Variants in OTUD4 observed in about 807,000 individuals in gnomAD.
OTUD4 encodes the protein OTU deubiquitinase 4.
OTUD4 carries 24 observed loss-of-function variants against 130.4 expected under a neutral mutation model. That is an observed-to-expected ratio of 0.18 (90% confidence interval 0.13 to 0.26). OTUD4 has a LOEUF of 0.26. Among genes scored for constraint, OTUD4 ranks in the 10% least tolerant of loss-of-function variants. The pLI, the probability that OTUD4 is intolerant of heterozygous loss-of-function variation, is 1.00. For synonymous variants in OTUD4, 420 were observed against 472.5 expected (o/e 0.89, Z 1.44); for missense variants, 1,031 against 1,329.4 (o/e 0.78, Z 3.49).
chr4:145,146,692 T>C (rs1023042904), intron 13 of OTUD4, among the ~76,000 whole-genome samples: 1 of 151,866 alleles, frequency 6.6e-6, no homozygotes, highest in Non-Finnish European at 1.5e-5. Flanking sequence ...CAAACAGCAA[T>C]GGGAGGTAGA....
chr4:145,169,257 T>C (rs1254792937), intron 3 of OTUD4, among the ~76,000 whole-genome samples: 4 of 152,252 alleles, frequency 2.6e-5, no homozygotes, highest in Non-Finnish European at 4.4e-5. Flanking sequence ...TCAAATTGTA[T>C]ATTTATAAGT....
rs1750154578 is a variant in OTUD4 at position 145,134,739 on chromosome 4, G to A, written c.*2691C>T. On this transcript the variant is annotated 3_prime_UTR_variant, in exon 21 of 21. Coordinates refer to ENST00000447906, the MANE Select transcript of OTUD4 (RefSeq NM_001366057.1). The stretch of plus-strand genomic sequence containing the variant: ...CTGCTGCCAAGGAGACATGGGGCAA[G>A]AGTTGAAGATTTGAGAGGAAATGAA... 1 of 398,824 alleles carries A rather than the reference G, an allele frequency of 2.5e-6. No homozygotes were observed. Among genetic ancestry groups the A allele is most frequent in the African/African-American group, 2.1e-5 (1 of 48,590 alleles). 24.7% of individuals were successfully genotyped at this position (398,824 alleles called of 1,614,324 possible). A position where few individuals can be genotyped will look rare whatever the true frequency, so the allele number is the denominator to read the frequency against.
intron 17 of OTUD4, among the ~76,000 whole-genome samples, chr4:145,143,081 A>T (rs1447558521): frequency 6.6e-6 from 1 of 152,258 alleles, no homozygotes; most frequent in Non-Finnish European, 1.5e-5. Context: ...AATACAAAGT[A>T]TCAAATATAA....
intron 1 of OTUD4, among the ~76,000 whole-genome samples, chr4:145,176,539 A>G (rs936873882): frequency 5.9e-5 from 9 of 151,800 alleles, no homozygotes; most frequent in Non-Finnish European, 1.2e-4. Context: ...AATACAAAAA[A>G]AAAAAAAAAA....
chr4:145,179,626 T>A, intron 1 of OTUD4, 189 bp downstream of exon 1: 1 of 1,387,588 alleles, frequency 7.2e-7, no homozygotes. Context: ...GCTTTCGAGT[T>A]TCAATTTGCA....
intron 1 of OTUD4, among the ~76,000 whole-genome samples, chr4:145,177,658 C>G (rs1441759046): frequency 6.6e-6 from 1 of 152,178 alleles, no homozygotes; most frequent in Non-Finnish European, 1.5e-5. Context: ...ATTTTTAGCT[C>G]CATGGCTGTG....
rs1371352420 is a variant in OTUD4 at position 145,135,659 on chromosome 4, A to G, written c.*1771T>C. The G allele has an allele frequency of 6.6e-6, 1 of 152,616 alleles. No individual in the cohort carries two copies. The highest frequency in any genetic ancestry group is 2.4e-5 in the African/African-American group (1 of 41,466). 9.5% of individuals were successfully genotyped at this position (152,616 alleles called of 1,614,324 possible). A position where few individuals can be genotyped will look rare whatever the true frequency, so the allele number is the denominator to read the frequency against. On this transcript the variant is annotated 3_prime_UTR_variant, in exon 21 of 21. Coordinates refer to ENST00000447906, the MANE Select transcript of OTUD4 (RefSeq NM_001366057.1). Reference sequence around the variant, plus strand: ...ATTCCTTTCAATAGGTTCTCTCAAGAAAAGTTTTCCACACAACCATCCCAG... The same window carrying G: ...ATTCCTTTCAATAGGTTCTCTCAAGGAAAGTTTTCCACACAACCATCCCAG...
chr4:145,140,711 G>C (rs1328594825), intron 19 of OTUD4, among the ~76,000 whole-genome samples: 1 of 152,134 alleles, frequency 6.6e-6, no homozygotes, highest in Non-Finnish European at 1.5e-5. Flanking sequence ...ATGCATGTCT[G>C]AAATGCAGAC....
chr4:145,161,339 G>C (rs912050404), intron 6 of OTUD4, among the ~76,000 whole-genome samples: 17 of 152,166 alleles, frequency 1.1e-4, no homozygotes, highest in African/African-American at 3.4e-4. Context: ...AGCTAGGAGG[G>C]AGAAGACACA....
intron 1 of OTUD4, among the ~76,000 whole-genome samples, chr4:145,178,845 A>G (rs1332267632): frequency 6.6e-6 from 1 of 152,212 alleles, no homozygotes; most frequent in Non-Finnish European, 1.5e-5. Context: ...AAAAGAAAAC[A>G]GAAACATCAT....
rs184600228 is a variant in OTUD4 at position 145,171,789 on chromosome 4, G to A, written c.244-69C>T. The A allele has an allele frequency of 1.0e-5, 8 of 769,704 alleles. No homozygotes were observed. The East Asian group carries it at 1.7e-4, about 17-fold the overall frequency. 47.7% of individuals were successfully genotyped at this position (769,704 alleles called of 1,614,324 possible). On this transcript the variant is annotated intron_variant, in intron 2 of 20. Coordinates refer to ENST00000447906, the MANE Select transcript of OTUD4 (RefSeq NM_001366057.1). ...CCAAAACAGTTAACCGCTTCGCTGTGTAAACATTCACTGTGAATTACTGAG... is the reference window on the plus strand; with the variant it reads ...CCAAAACAGTTAACCGCTTCGCTGTATAAACATTCACTGTGAATTACTGAG...
At chr4:145,169,076 A>G (rs1752024274) in intron 3 of OTUD4, among the ~76,000 whole-genome samples, 1 of 152,264 alleles carries the variant, frequency 6.6e-6, no homozygotes, top group African/African-American at 2.4e-5. Context: ...ACTTATATGC[A>G]TCTAGAAACA....
In OTUD4 at chr4:145,136,839, G is replaced by A. The variant is rs1750298185; in HGVS notation, c.*591C>T. On this transcript the variant is annotated 3_prime_UTR_variant, in exon 21 of 21. Coordinates refer to ENST00000447906, the MANE Select transcript of OTUD4 (RefSeq NM_001366057.1). Reference sequence around the variant, plus strand: ...TAGGCTGCCTTATGTGAATATTAAAGAGAAGACATTATTCAAGTTTGACAG... The same window carrying A: ...TAGGCTGCCTTATGTGAATATTAAAAAGAAGACATTATTCAAGTTTGACAG... The A allele has an allele frequency of 6.6e-6, 1 of 152,614 alleles. No homozygotes were observed. Among genetic ancestry groups the A allele is most frequent in the Non-Finnish European group, 1.5e-5 (1 of 68,058 alleles). The allele number at this position is 152,614 out of a possible 1,614,324, so 9.5% of individuals were successfully genotyped here. A position where few individuals can be genotyped will look rare whatever the true frequency, so the allele number is the denominator to read the frequency against.
chr4:145,146,472 A>AAATT, intron 13 of OTUD4, 43 bp from the exon 14 acceptor site: 1 of 1,048,918 alleles, frequency 9.5e-7, no homozygotes, highest in Non-Finnish European at 1.3e-6. Context: ...ATAAATAAAT[A>AAATT]AATAAATAAA....
In OTUD4 at chr4:145,179,499, TATC is replaced by T. The variant is rs901514610; in HGVS notation, c.159+313_159+315del. 1.1e-4 allele frequency: 71 copies of T among 676,126 alleles called. No homozygotes were observed. In the African/African-American group the frequency reaches 1.1e-3, roughly 10 times the overall value. 41.9% of individuals were successfully genotyped at this position (676,126 alleles called of 1,614,324 possible). A position where few individuals can be genotyped will look rare whatever the true frequency, so the allele number is the denominator to read the frequency against. ...GTGAATGCGGAACAAAAGTAAAAAA[TATC>T]ATGTCGCCAGGTCCCCAGCAATAAA... On this transcript the variant is annotated intron_variant, in intron 1 of 20. Coordinates refer to ENST00000447906, the MANE Select transcript of OTUD4 (RefSeq NM_001366057.1).
chr4:145,150,399 T>G lies in OTUD4; in HGVS notation c.1259+114A>C. ...ATACAAAATGCTCTTAATACTAATA[T>G]AGGGACAATGATATGAGTAAAAAGT... On this transcript the variant is annotated intron_variant, in intron 13 of 20. Coordinates refer to ENST00000447906, the MANE Select transcript of OTUD4 (RefSeq NM_001366057.1). 7.6e-6 allele frequency: 5 copies of G among 659,438 alleles called. No individual in the cohort carries two copies. In the South Asian group the frequency reaches 8.8e-5, roughly 12 times the overall value. The allele number at this position is 659,438 out of a possible 1,614,324, so 40.8% of individuals were successfully genotyped here.
chr4:145,163,959 T>C (rs554097703), intron 5 of OTUD4, among the ~76,000 whole-genome samples, 195 bp downstream of exon 5: 3 of 152,228 alleles, frequency 2.0e-5, no homozygotes, highest in East Asian at 3.9e-4. Flanking sequence ...CTGCCTGCCT[T>C]GGCCTCCCAA....
chr4:145,139,953 T>C lies in OTUD4; in HGVS notation c.2122A>G (p.Lys708Glu), dbSNP rs1432897441. The C allele has an allele frequency of 2.5e-6, 2 of 815,566 alleles. No individual in the cohort carries two copies. The highest frequency in any genetic ancestry group is 3.8e-6 in the Non-Finnish European group (2 of 520,680). The allele number at this position is 815,566 out of a possible 1,614,324, so 50.5% of individuals were successfully genotyped here. ...ILRFFFNLGV[K>E]AYSCPMWAPH... Reference sequence around the variant, plus strand: ...TTAAGATGATAAAATGTAAATACCTTCACACCAAGATTGAAGAAGAATCGA... The same window carrying C: ...TTAAGATGATAAAATGTAAATACCTCCACACCAAGATTGAAGAAGAATCGA... Residue 708 changes from lysine to glutamate, a missense_variant and splice_region_variant, in exon 20 of 21, where the codon AAG becomes GAG. Lys to Glu is a moderately conservative substitution (Grantham distance 56). Transcript: ENST00000447906.
intron 2 of OTUD4, among the ~76,000 whole-genome samples, chr4:145,172,787 G>A (rs924183261): frequency 2.0e-5 from 3 of 151,772 alleles, no homozygotes; most frequent in Non-Finnish European, 2.9e-5. Flanking sequence ...ATATATTAAA[G>A]AGCCCACCAA....
Sources: gnomAD v4.1 joint callset for allele counts (sites outside exome capture counted in the v4.1 genomes callset) on GRCh38, gnomAD v4.1.1 for gene constraint, MANE v1.5 for transcripts, NCBI Gene and HGNC (gene_info 2026-07-23, HGNC 2026-07-21) for gene names.